The following CALN1 variants were observed in gnomAD, a reference collection of about 807,000 sequenced individuals.
CALN1 encodes calneuron 1.
A neutral mutation model predicts 30.6 loss-of-function variants in CALN1; 17 were observed. The observed-to-expected ratio is 0.56, with a 90% CI of 0.38 to 0.83. The LOEUF (loss-of-function observed/expected upper bound fraction) is 0.83. Ranked by LOEUF, CALN1 falls within the 40% of genes least tolerant of loss-of-function variation. The pLI is 0.00. For synonymous variants in CALN1, 156 were observed against 131.4 expected (o/e 1.19, Z -1.28); for missense variants, 291 against 354.9 (o/e 0.82, Z 1.45).
chr7:72,337,247 C>T, intron 2 of CALN1: 7 of 985,272 alleles, frequency 7.1e-6, no homozygotes, highest in Non-Finnish European at 8.4e-6. Flanking sequence ...CCTCGCTCTG[C>T]CGGCGCCCGC....
At chr7:72,217,480 A>G (rs10227470) in intron 3 of CALN1, among the ~76,000 whole-genome samples, 105,884 of 152,092 alleles carry the variant, frequency 0.7, 37,669 homozygotes, top group East Asian at 1. Flanking sequence ...GCAACCAGTT[A>G]CTCTTCAAAG....
intron 5 of CALN1, among the ~76,000 whole-genome samples, chr7:71,923,000 A>G (rs1795054077): frequency 6.7e-6 from 1 of 148,868 alleles, no homozygotes; most frequent in South Asian, 2.1e-4. Flanking sequence ...CTATCTAACT[A>G]CACTATACTA....
intron 2 of CALN1, among the ~76,000 whole-genome samples, chr7:72,369,255 A>C (rs1804067062): frequency 6.7e-6 from 1 of 150,346 alleles, no homozygotes; most frequent in Non-Finnish European, 1.5e-5. Flanking sequence ...CATGGTAAAC[A>C]CGTACATTAC....
chr7:71,884,454 G>A (rs1378693158), intron 5 of CALN1, among the ~76,000 whole-genome samples: 1 of 151,812 alleles, frequency 6.6e-6, no homozygotes. Flanking sequence ...CCCAACAGAA[G>A]CCACAGACCC....
Position 71,846,924 on chromosome 7 carries a change from AT to A in CALN1, c.502-36433del, listed in dbSNP as rs1299167246. 2.0e-5 allele frequency among the ~76,000 whole-genome samples: 3 copies of A among 146,474 alleles called. No homozygotes were observed. In the East Asian group the frequency reaches 5.9e-4, roughly 29 times the overall value. On this transcript the variant is annotated intron_variant, in intron 5 of 6. Coordinates refer to ENST00000395275, the MANE Select transcript of CALN1 (RefSeq NM_031468.4). ...ATAATATATACATACATATATGTAT[AT>A]TATATATACATATATGTATATATAC... is the stretch of plus-strand genomic sequence containing the variant.
chr7:72,076,640 A>AAAAAAAAAAAAAAAAAC (rs1804759547), intron 4 of CALN1, among the ~76,000 whole-genome samples: 1 of 130,144 alleles, frequency 7.7e-6, no homozygotes, highest in African/African-American at 2.9e-5. Context: ...AAAAAAAAAA[A>AAAAAAAAAAAAAAAAAC]AAAAAAAGCA....
chr7:71,843,987 T>G (rs549332736), intron 5 of CALN1, among the ~76,000 whole-genome samples: 12 of 152,236 alleles, frequency 7.9e-5, no homozygotes, highest in African/African-American at 2.9e-4. Flanking sequence ...ACTCAGGAAT[T>G]GATCTCGGTG....
rs1180305368 is a variant in CALN1, at chr7:72,180,660, T to C, written c.245-74366A>G. On this transcript the variant is annotated intron_variant, in intron 3 of 6. Coordinates refer to ENST00000395275, the MANE Select transcript of CALN1 (RefSeq NM_031468.4). ...TCTCACAGTGTGGGTCATGCTGGAG[T>C]GCAGTGGCACCATCATAGCTCACTG... Among the ~76,000 whole-genome samples the C allele has an allele frequency of 2.1e-5, 3 of 144,886 alleles. No individual in the cohort carries two copies. The East Asian group carries it at 6.1e-4, about 30-fold the overall frequency.
chr7:72,054,520 CATAT>C (rs373442972), intron 4 of CALN1, among the ~76,000 whole-genome samples: 5 of 117,630 alleles, frequency 4.3e-5, no homozygotes, highest in Non-Finnish European at 6.6e-5. Context: ...CATATATATA[CATAT>C]ATACATACAT....
At chr7:72,295,325 T>C (rs980761378) in intron 2 of CALN1, among the ~76,000 whole-genome samples, 2 of 151,692 alleles carry the variant, frequency 1.3e-5, no homozygotes, top group African/African-American at 4.9e-5. Flanking sequence ...ACAATACTTA[T>C]TTTTTTTAAA....
intron 3 of CALN1, among the ~76,000 whole-genome samples, chr7:72,115,750 T>C (rs1807938682): frequency 6.6e-6 from 1 of 151,982 alleles, no homozygotes; most frequent in South Asian, 2.1e-4. Flanking sequence ...CCTCCCAAAG[T>C]GCTAGGATTA....
At chr7:72,387,862 C>G (rs949191881) in intron 2 of CALN1, among the ~76,000 whole-genome samples, 2 of 152,072 alleles carry the variant, frequency 1.3e-5, no homozygotes, top group African/African-American at 2.4e-5. Context: ...GAAAGTAGAA[C>G]AGTGGTTACC....
chr7:72,227,236 T>A (rs1309814264), intron 3 of CALN1, among the ~76,000 whole-genome samples: 1 of 144,108 alleles, frequency 6.9e-6, no homozygotes, highest in Non-Finnish European at 1.5e-5. Flanking sequence ...ATTAAAAGCT[T>A]AAAAAAAAAA....
intron 5 of CALN1, among the ~76,000 whole-genome samples, chr7:71,957,422 A>G (rs1159384103): frequency 6.6e-6 from 1 of 152,202 alleles, no homozygotes. Flanking sequence ...CTCTTTTCGT[A>G]GTAAGCAACT....
chr7:72,273,818 T>TA (rs1465833777), intron 3 of CALN1, among the ~76,000 whole-genome samples: 3 of 152,026 alleles, frequency 2.0e-5, no homozygotes, highest in Non-Finnish European at 4.4e-5. Flanking sequence ...TGGCCAAAGT[T>TA]AGACTCCTTA....
intron 3 of CALN1, among the ~76,000 whole-genome samples, chr7:72,153,104 G>T (rs781040319): frequency 3.3e-5 from 5 of 152,186 alleles, no homozygotes; most frequent in Non-Finnish European, 7.3e-5. Context: ...CACAAACAGT[G>T]AATGTTAAGA....
chr7:71,865,395 C>G (rs912416247), intron 5 of CALN1, among the ~76,000 whole-genome samples: 9 of 152,222 alleles, frequency 5.9e-5, no homozygotes, highest in African/African-American at 9.6e-5. Flanking sequence ...CATGACTGTA[C>G]GTTTCCTGGG....
At chr7:71,965,931 T>C (rs1481092402) in intron 5 of CALN1, among the ~76,000 whole-genome samples, 1 of 152,198 alleles carries the variant, frequency 6.6e-6, no homozygotes, top group Non-Finnish European at 1.5e-5. Flanking sequence ...TCTTAGAGCT[T>C]TTCACTGTTG....
At chr7:72,045,272 A>C (rs1802395015) in intron 4 of CALN1, among the ~76,000 whole-genome samples, 1 of 152,150 alleles carries the variant, frequency 6.6e-6, no homozygotes, top group African/African-American at 2.4e-5. Context: ...TGCCTGCTCC[A>C]AGCTGGGAGA....
Sources: gnomAD v4.1 joint callset for allele counts (sites outside exome capture counted in the v4.1 genomes callset) on GRCh38, gnomAD v4.1.1 for gene constraint, MANE v1.5 for transcripts, NCBI Gene and HGNC (gene_info 2026-07-23, HGNC 2026-07-21) for gene names.